CA10: variants seen among roughly 807,000 people sequenced by gnomAD.
The protein encoded by CA10 is carbonic anhydrase 10 (inactive), also known as carbonic anhydrase-related protein 10.
In CA10, 14 loss-of-function variants were observed where a neutral mutation model predicts 44.2. That is an observed-to-expected ratio of 0.32 (90% CI 0.21 to 0.50). The LOEUF is 0.50. Ranked by LOEUF, CA10 falls within the 20% of genes least tolerant of loss-of-function variation. CA10 has a pLI of 0.99. For missense variants in CA10, 350 were observed against 409.7 expected, an observed-to-expected ratio of 0.85 and a Z score of 1.26; for synonymous variants, 159 against 141.6, an observed-to-expected ratio of 1.12 and a Z score of -0.87.
intron 3 of CA10, among the ~76,000 whole-genome samples, chr17:51,819,260 T>G (rs1907676379): frequency 6.6e-6 from 1 of 152,212 alleles, no homozygotes; most frequent in Non-Finnish European, 1.5e-5. Flanking sequence ...ACTTCCTGAG[T>G]TAGATCTCTT....
intron 3 of CA10, among the ~76,000 whole-genome samples, chr17:51,842,799 C>T (rs1978343159): frequency 6.6e-6 from 1 of 151,888 alleles, no homozygotes; most frequent in Admixed American, 6.6e-5. Flanking sequence ...TGGAACAACA[C>T]AACCTGACCC....
At chr17:51,640,393 A>G (rs1000813713) in intron 6 of CA10, among the ~76,000 whole-genome samples, 1 of 152,048 alleles carries the variant, frequency 6.6e-6, no homozygotes, top group Non-Finnish European at 1.5e-5. Flanking sequence ...ACACCCTAAG[A>G]CATCAGGGTG....
intron 2 of CA10, among the ~76,000 whole-genome samples, chr17:51,999,119 C>A (rs919402252): frequency 2.0e-5 from 3 of 151,958 alleles, no homozygotes; most frequent in African/African-American, 7.2e-5. Context: ...TCTAAGTAGA[C>A]ATCAAGAAAA....
At chr17:51,757,859 C>CT (rs113720323) in intron 3 of CA10, among the ~76,000 whole-genome samples, 4,589 of 148,674 alleles carry the variant, frequency 0.031, 232 homozygotes, top group African/African-American at 0.11. Flanking sequence ...AGGAGTAGGC[C>CT]TTTTTTTTTT....
At chr17:52,147,257 C>T (rs930072584) in intron 1 of CA10, among the ~76,000 whole-genome samples, 2 of 151,942 alleles carry the variant, frequency 1.3e-5, no homozygotes, top group African/African-American at 2.4e-5. Context: ...CACTCTGATT[C>T]CAGGCTTCAC....
intron 3 of CA10, among the ~76,000 whole-genome samples, chr17:51,826,515 C>G (rs369943715): frequency 7.2e-4 from 109 of 152,288 alleles, no homozygotes; most frequent in African/African-American, 2.5e-3. Flanking sequence ...TGGAAGGTGA[C>G]CAGATTTTCC....
intron 6 of CA10, among the ~76,000 whole-genome samples, chr17:51,641,179 CTCATA>C (rs1913072441): frequency 1.3e-5 from 2 of 151,764 alleles, no homozygotes; most frequent in Admixed American, 1.3e-4. Flanking sequence ...CTCTCTCTCT[CTCATA>C]TCTCTATCAC....
intron 3 of CA10, among the ~76,000 whole-genome samples, chr17:51,884,048 T>A (rs1980490171): frequency 6.6e-6 from 1 of 152,184 alleles, no homozygotes; most frequent in African/African-American, 2.4e-5. Context: ...GACCCTTCTT[T>A]TTTCTTTGCA....
intron 3 of CA10, among the ~76,000 whole-genome samples, chr17:51,916,533 G>A (rs935576710): frequency 5.3e-5 from 8 of 152,078 alleles, no homozygotes; most frequent in African/African-American, 1.9e-4. Context: ...TTATAAAAGG[G>A]AGTTTCCCTG....
At position 51,845,659 on chromosome 17, in the gene CA10, C is replaced by T. The variant is rs565298847; in HGVS notation, c.279+85331G>A. ...AAAATGCACTCAGCATTGAACAGAT[C>T]CTTCTTCTCCTAAGGCTCTGATAAC... On this transcript the variant is annotated intron_variant, in intron 3 of 8. Transcript: ENST00000451037. Among the ~76,000 whole-genome samples the T allele has an allele frequency of 3.3e-5, 5 of 152,304 alleles. No homozygotes were observed. In the East Asian group the frequency reaches 9.6e-4, roughly 29 times the overall value.
At chr17:52,094,462 T>C (rs1460793100) in intron 1 of CA10, among the ~76,000 whole-genome samples, 2 of 152,148 alleles carry the variant, frequency 1.3e-5, no homozygotes, top group Non-Finnish European at 2.9e-5. Flanking sequence ...TTAATTGGAC[T>C]TCTTTAAAAT....
intron 2 of CA10, among the ~76,000 whole-genome samples, chr17:52,043,867 T>C (rs561025212): frequency 6.6e-6 from 1 of 152,268 alleles, no homozygotes; most frequent in African/African-American, 2.4e-5. Flanking sequence ...TACTGACTTC[T>C]GTATGTTAAA....
intron 3 of CA10, among the ~76,000 whole-genome samples, chr17:51,868,949 A>G (rs574002793): frequency 6.6e-6 from 1 of 152,116 alleles, no homozygotes; most frequent in South Asian, 2.1e-4. Context: ...AAGTATAAAA[A>G]ATGGAAAATC....
intron 3 of CA10, among the ~76,000 whole-genome samples, chr17:51,857,901 G>T (rs911814936): frequency 1.3e-5 from 2 of 152,114 alleles, no homozygotes; most frequent in African/African-American, 4.8e-5. Flanking sequence ...GCACAGTCAG[G>T]GTTGAAATTG....
intron 3 of CA10, among the ~76,000 whole-genome samples, chr17:51,855,756 A>C (rs7224194): frequency 1.3e-5 from 2 of 152,192 alleles, no homozygotes; most frequent in African/African-American, 4.8e-5. Flanking sequence ...AAGTAAAAAG[A>C]GGTAATGATG....
At chr17:52,024,014 A>G (rs1986224750) in intron 2 of CA10, among the ~76,000 whole-genome samples, 2 of 151,948 alleles carry the variant, frequency 1.3e-5, no homozygotes, top group Non-Finnish European at 2.9e-5. Flanking sequence ...AGTGTTTATC[A>G]GTTTTAGAAA....
intron 2 of CA10, among the ~76,000 whole-genome samples, chr17:52,023,400 G>T (rs1187556358): frequency 6.6e-6 from 1 of 152,078 alleles, no homozygotes; most frequent in East Asian, 1.9e-4. Context: ...ATGGTGCTGG[G>T]ATAACTGGCT....
intron 4 of CA10, 134 bp downstream of exon 4, chr17:51,747,499 G>T: frequency 1.5e-6 from 1 of 684,476 alleles, no homozygotes; most frequent in Non-Finnish European, 2.4e-6. Context: ...GACAGATGGA[G>T]AAAGAAGGCA....
chr17:52,073,642 A>G (rs940609504), intron 1 of CA10, among the ~76,000 whole-genome samples: 1 of 152,200 alleles, frequency 6.6e-6, no homozygotes. Context: ...CACAAATCTC[A>G]GGCATGGACA....
Sources: allele counts gnomAD v4.1 joint callset (sites outside exome capture counted in the v4.1 genomes callset), GRCh38; gene constraint gnomAD v4.1.1; transcripts MANE v1.5; gene names NCBI Gene and HGNC (gene_info 2026-07-23, HGNC 2026-07-21).